DAPK2: variants seen among roughly 807,000 people sequenced by gnomAD.
DAPK2 encodes death-associated protein kinase 2.
DAPK2 carries 35 observed loss-of-function variants against 44.1 expected under a neutral mutation model. The ratio of observed to expected loss-of-function variants is 0.79; its 90% CI spans 0.61 to 1.05. DAPK2 has a LOEUF of 1.05. DAPK2 is among the 50% of genes least tolerant of loss of function. The pLI is 0.00. For missense variants in DAPK2, 453 were observed against 483.2 expected, an observed-to-expected ratio of 0.94 and a Z score of 0.59; for synonymous variants, 174 against 182.6, an observed-to-expected ratio of 0.95 and a Z score of 0.38.
chr15:64,043,186 T>C (rs975362640), upstream of DAPK2, among the ~76,000 whole-genome samples: 5 of 152,204 alleles, frequency 3.3e-5, no homozygotes, highest in African/African-American at 4.8e-5. Context: ...ACTAGAGCTC[T>C]CAAACACTGC....
Position 63,971,150 on chromosome 15 carries a change from TC to T in DAPK2, c.453+272del, listed in dbSNP as rs563283255. On this transcript the variant is annotated intron_variant, in intron 3 of 10. Transcript: ENST00000261891. The stretch of plus-strand genomic sequence containing the variant: ...ACTGGTCTACTTATTTAGAAAGTGT[TC>T]CCCCCTGCTCCCTGAAATAAATAAG... 2.9e-3 allele frequency among the ~76,000 whole-genome samples: 447 copies of T among 152,256 alleles called. 1 individual carries two copies. Among genetic ancestry groups the T allele is most frequent in the African/African-American group, 0.01 (425 of 41,532 alleles).
intron 4 of DAPK2, among the ~76,000 whole-genome samples, chr15:63,935,279 C>T (rs2077110843): frequency 6.6e-6 from 1 of 151,572 alleles, no homozygotes; most frequent in African/African-American, 2.4e-5. Context: ...TTAGTAGAGA[C>T]AGGGTTTCAC....
intron 2 of DAPK2, among the ~76,000 whole-genome samples, chr15:63,981,530 G>T (rs1322827184): frequency 6.6e-6 from 1 of 152,100 alleles, no homozygotes; most frequent in Middle Eastern, 3.2e-3. Context: ...AAGTAGAGCA[G>T]GAAATTATAC....
chr15:63,922,995 G>A (rs1440575417), intron 8 of DAPK2: 14 of 1,535,730 alleles, frequency 9.1e-6, no homozygotes, highest in South Asian at 7.1e-5. Flanking sequence ...ATGTCTTCTC[G>A]CAGCAGCTTC....
At chr15:63,968,326 C>G (rs760906469) in intron 3 of DAPK2, among the ~76,000 whole-genome samples, 8 of 152,226 alleles carry the variant, frequency 5.3e-5, no homozygotes, top group Non-Finnish European at 1.2e-4. Context: ...CCTCACAACT[C>G]TAAGGATACC....
chr15:63,948,975 A>G (rs2140513516), intron 3 of DAPK2, among the ~76,000 whole-genome samples: 1 of 152,194 alleles, frequency 6.6e-6, no homozygotes. Context: ...GCTGACCCCA[A>G]ATCCTGTGTG....
rs752384008 is a variant in DAPK2, at chr15:63,983,657, G to A, written c.190C>T (p.Arg64Cys). 49 of 1,614,096 alleles carry A rather than the reference G, an allele frequency of 3.0e-5. No individual in the cohort carries two copies. The East Asian group carries it at 3.6e-4, about 12-fold the overall frequency. Residue 64 changes from arginine (R) to cysteine (C), a missense_variant, in exon 2 of 11, where the codon CGC (arginine) becomes TGC (cysteine). Arg to Cys is a radical substitution (Grantham distance 180). Coordinates refer to ENST00000261891, the Ensembl canonical transcript of DAPK2. ...TCGATCTCCTCCCGGCTCACACCGCGCCGGCTCGCCCGGCTCTGCCGCTTC... is the reference window on the plus strand; with the variant it reads ...TCGATCTCCTCCCGGCTCACACCGCACCGGCTCGCCCGGCTCTGCCGCTTC...
At chr15:64,006,308 A>T (rs2079228712) in intron 1 of DAPK2, among the ~76,000 whole-genome samples, 1 of 152,156 alleles carries the variant, frequency 6.6e-6, no homozygotes, top group African/African-American at 2.4e-5. Context: ...ATTTAACAAA[A>T]AACAGTCAGG....
chr15:63,958,254 C>G (rs2077784068), intron 3 of DAPK2, among the ~76,000 whole-genome samples: 1 of 151,518 alleles, frequency 6.6e-6, no homozygotes, highest in African/African-American at 2.4e-5. Context: ...TGGATATTAG[C>G]CCTTTGTCAC....
At chr15:64,035,893 G>A (rs2141179224) in intron 1 of DAPK2, among the ~76,000 whole-genome samples, 1 of 152,292 alleles carries the variant, frequency 6.6e-6, no homozygotes, top group Admixed American at 6.5e-5. Context: ...TCCAGCCAGG[G>A]TATCCTGTTT....
At chr15:63,960,506 CT>C (rs376924463) in intron 3 of DAPK2, among the ~76,000 whole-genome samples, 60,646 of 151,870 alleles carry the variant, frequency 0.4, 12,606 homozygotes, top group Non-Finnish European at 0.45. Flanking sequence ...AAATTTCCCT[CT>C]ACACACTGCT....
At chr15:64,030,979 T>TACAC (rs71131201) in intron 1 of DAPK2, among the ~76,000 whole-genome samples, 60,684 of 140,156 alleles carry the variant, frequency 0.43, 14,531 homozygotes, top group East Asian at 0.75. Context: ...AATACACACA[T>TACAC]ACACACACAC....
intron 1 of DAPK2, among the ~76,000 whole-genome samples, chr15:64,002,979 T>C (rs2079134591): frequency 4.8e-5 from 6 of 124,490 alleles, no homozygotes; most frequent in Admixed American, 1.5e-4. Context: ...GGGACCTGTG[T>C]GTGTGTGTGT....
chr15:64,002,972 ACC>A (rs2079132152), intron 1 of DAPK2, among the ~76,000 whole-genome samples: 2 of 17,962 alleles, frequency 1.1e-4, no homozygotes, highest in African/African-American at 2.9e-4. Context: ...GTGTCGTGGG[ACC>A]TGTGTGTGTG....
chr15:63,939,824 G>A lies in DAPK2; in HGVS notation c.454-463C>T, dbSNP rs559620030. Among the ~76,000 whole-genome samples the A allele has an allele frequency of 6.6e-5, 10 of 152,276 alleles. No individual in the cohort carries two copies. The South Asian group carries it at 8.3e-4, about 13-fold the overall frequency. ...CTTACTGACCTTGGTCTTCCTGACC[G>A]CCTCTTTCCCCTGGCCAGCCAACTT... On this transcript the variant is annotated intron_variant, in intron 3 of 10. Transcript: ENST00000261891. The surrounding 1 kb of genome is among the most constrained non-coding windows in gnomAD (Gnocchi z 4.3).
chr15:63,967,590 C>G (rs985818506), intron 3 of DAPK2, among the ~76,000 whole-genome samples: 1 of 152,116 alleles, frequency 6.6e-6, no homozygotes, highest in Admixed American at 6.5e-5. Context: ...ACTAAGGAGG[C>G]TGAGGCAGGA....
At chr15:64,023,767 G>T (rs982713791) in intron 1 of DAPK2, among the ~76,000 whole-genome samples, 1 of 152,168 alleles carries the variant, frequency 6.6e-6, no homozygotes, top group African/African-American at 2.4e-5. Flanking sequence ...CACTTCCCAC[G>T]TGCCACGCTA....
At chr15:63,977,729 A>G (rs1213512348) in intron 2 of DAPK2, among the ~76,000 whole-genome samples, 1 of 152,214 alleles carries the variant, frequency 6.6e-6, no homozygotes, top group Non-Finnish European at 1.5e-5. Context: ...TGAGCTTGAT[A>G]TCCACCCGGA....
In DAPK2 at chr15:63,966,821, T is replaced by C. The variant is rs1271396675; in HGVS notation, c.453+4602A>G. Among the ~76,000 whole-genome samples the C allele has an allele frequency of 3.3e-5, 5 of 152,082 alleles. No homozygotes were observed. The highest frequency in any genetic ancestry group is 2.6e-4 in the Admixed American group (4 of 15,248). On this transcript the variant is annotated intron_variant, in intron 3 of 10. Transcript: ENST00000261891. The surrounding 1 kb of genome is among the most constrained non-coding windows in gnomAD (Gnocchi z 5.5). Reference sequence around the variant, plus strand: ...CTGCCAGAAGATGGGGAAGGGGTGGTATAGGTGATTCAAGACTGTCTTTCC... The same window carrying C: ...CTGCCAGAAGATGGGGAAGGGGTGGCATAGGTGATTCAAGACTGTCTTTCC...
Sources: gnomAD v4.1 joint callset for allele counts (sites outside exome capture counted in the v4.1 genomes callset) on GRCh38, gnomAD v4.1.1 for gene constraint, Gnocchi (gnomAD v3.1) non-coding constraint, MANE v1.5 for transcripts, NCBI Gene and HGNC (gene_info 2026-07-23, HGNC 2026-07-21) for gene names.